The following SOX5 variants were observed in gnomAD, a reference collection of about 807,000 sequenced individuals.
The protein encoded by SOX5 is transcription factor SOX-5.
In SOX5, 9 loss-of-function variants were observed where a neutral mutation model predicts 92.0. That is an observed-to-expected ratio of 0.10 (90% confidence interval 0.06 to 0.17). The LOEUF (loss-of-function observed/expected upper bound fraction) is 0.17. Among genes scored for constraint, SOX5 ranks in the 10% least tolerant of loss-of-function variants. The pLI is 1.00. For missense variants in SOX5, 642 were observed against 944.5 expected, an observed-to-expected ratio of 0.68 and a Z score of 4.20; for synonymous variants, 344 against 336.3, an observed-to-expected ratio of 1.02 and a Z score of -0.25.
chr12:23,681,434 T>G (rs964987872), intron 6 of SOX5, among the ~76,000 whole-genome samples: 1 of 151,710 alleles, frequency 6.6e-6, no homozygotes, highest in Non-Finnish European at 1.5e-5. Context: ...TGGAGTAAGC[T>G]CATCAGTTAA....
At chr12:23,816,207 CTTTTTTT>C (rs11347313) in intron 3 of SOX5, among the ~76,000 whole-genome samples, 1 of 129,642 alleles carries the variant, frequency 7.7e-6, no homozygotes, top group South Asian at 2.6e-4. Flanking sequence ...GACAAGATTT[CTTTTTTT>C]TTTTTTTTTT....
chr12:24,038,201 G>C (rs1390225217), intron 4 of SOX5, among the ~76,000 whole-genome samples: 4 of 152,202 alleles, frequency 2.6e-5, no homozygotes, highest in Admixed American at 2.6e-4. Flanking sequence ...GAAACCATGT[G>C]AATGTGGAAG....
intron 3 of SOX5, among the ~76,000 whole-genome samples, chr12:23,759,185 G>A (rs781356962): frequency 1.3e-5 from 2 of 151,954 alleles, no homozygotes; most frequent in African/African-American, 4.8e-5. Context: ...ATATGTATGA[G>A]CAGCAACTGT....
chr12:24,169,238 G>A (rs1198023429), intron 4 of SOX5, among the ~76,000 whole-genome samples: 1 of 152,108 alleles, frequency 6.6e-6, no homozygotes, highest in Non-Finnish European at 1.5e-5. Context: ...ATAAGGTACT[G>A]ATTTATAAAT....
At chr12:23,786,543 CAAAA>C (rs34782173) in intron 3 of SOX5, among the ~76,000 whole-genome samples, 2 of 126,988 alleles carry the variant, frequency 1.6e-5, no homozygotes, top group Non-Finnish European at 1.7e-5. Flanking sequence ...GACTCCATCT[CAAAA>C]AAAAAAAAAA....
intron 3 of SOX5, among the ~76,000 whole-genome samples, chr12:23,777,600 C>G (rs918584256): frequency 6.6e-6 from 1 of 152,066 alleles, no homozygotes; most frequent in African/African-American, 2.4e-5. Context: ...TTTGCACAGT[C>G]TAACTTATAT....
chr12:24,014,159 C>T (rs1953293640), intron 4 of SOX5, among the ~76,000 whole-genome samples: 3 of 152,262 alleles, frequency 2.0e-5, no homozygotes, highest in East Asian at 1.9e-4. Flanking sequence ...GCATGGATTC[C>T]ACAGGGCATT....
chr12:23,674,372 T>C (rs1186197551), intron 6 of SOX5, among the ~76,000 whole-genome samples: 3 of 103,542 alleles, frequency 2.9e-5, no homozygotes. Context: ...AGTTTCGCTG[T>C]TGTCACCCAG....
intron 3 of SOX5, among the ~76,000 whole-genome samples, chr12:24,241,770 G>A (rs1351624715): frequency 6.6e-6 from 1 of 152,088 alleles, no homozygotes; most frequent in Non-Finnish European, 1.5e-5. Context: ...GCCATTTGTA[G>A]AATATCGATA....
chr12:24,522,362 C>CT (rs138340264), intron 1 of SOX5, among the ~76,000 whole-genome samples: 7,514 of 151,744 alleles, frequency 0.05, 610 homozygotes, highest in African/African-American at 0.16. Context: ...AATGCCAAGC[C>CT]TTTTTAAACA....
intron 11 of SOX5, among the ~76,000 whole-genome samples, chr12:23,561,674 G>A (rs960318236): frequency 1.3e-5 from 2 of 152,066 alleles, no homozygotes; most frequent in African/African-American, 4.8e-5. Context: ...CAACCACAAG[G>A]CCTGCTTTGC....
Position 24,320,734 on chromosome 12 carries a change from G to A in SOX5, c.-173-43422C>T, listed in dbSNP as rs1024298729. ...CAAAAAATTAGCAGGGCATGGTGGT[G>A]GGCACCTGTAGTCCCAGCTACTCGG... On this transcript the variant is annotated intron_variant, in intron 2 of 4. Transcript: ENST00000446891. Among the ~76,000 whole-genome samples the A allele has an allele frequency of 4.2e-4, 64 of 151,926 alleles. 1 individual carries two copies. The highest frequency in any genetic ancestry group is 1.4e-3 in the African/African-American group (60 of 41,454).
chr12:23,611,288 C>T (rs1592559728), intron 8 of SOX5, among the ~76,000 whole-genome samples: 1 of 151,252 alleles, frequency 6.6e-6, no homozygotes, highest in Admixed American at 6.6e-5. Context: ...ACAGAATATG[C>T]TTCAGGTTTA....
At chr12:24,517,626 T>C (rs1486507741) in intron 1 of SOX5, among the ~76,000 whole-genome samples, 2 of 152,128 alleles carry the variant, frequency 1.3e-5, no homozygotes, top group East Asian at 1.9e-4. Context: ...CACTAATGGA[T>C]GTTTAACCCT....
chr12:23,734,781 A>C lies in SOX5; in HGVS notation c.742-29T>G, dbSNP rs1193869059. 3.1e-6 allele frequency: 5 copies of C among 1,588,914 alleles called. No individual in the cohort carries two copies. In the Admixed American group the frequency reaches 8.4e-5, roughly 27 times the overall value. On this transcript the variant is annotated intron_variant, in intron 5 of 14. Transcript: ENST00000451604. ...TGAAGAAATTGCACATGAGAAATTT[A>C]CAAGTATATTGTAGTCCCGGAGGGA...
intron 4 of SOX5, among the ~76,000 whole-genome samples, chr12:24,052,884 TAC>T (rs767787414): frequency 5.9e-5 from 9 of 152,186 alleles, no homozygotes; most frequent in Non-Finnish European, 1.2e-4. Flanking sequence ...GAAAGAGAAT[TAC>T]AGAGTTGTTT....
At chr12:24,547,750 T>G (rs1222881950) in intron 1 of SOX5, among the ~76,000 whole-genome samples, 2 of 152,200 alleles carry the variant, frequency 1.3e-5, no homozygotes, top group Non-Finnish European at 2.9e-5. Context: ...ATACTCTATC[T>G]GGGTTTATTT....
Position 24,213,523 on chromosome 12 carries a change from T to C in SOX5, c.-76-106A>G, listed in dbSNP as rs909882491. 2.6e-4 allele frequency: 38 copies of C among 147,268 alleles called. 1 individual carries two copies. Among genetic ancestry groups the C allele is most frequent in the Middle Eastern group, 3.5e-3 (1 of 288 alleles). 9.1% of individuals were successfully genotyped at this position (147,268 alleles called of 1,614,324 possible). A position where few individuals can be genotyped will look rare whatever the true frequency, so the allele number is the denominator to read the frequency against. ...GAGTAATTCCAAATAAATAAAAAAA[T>C]TGAAAATGATAAAGATAGTTAAATG... On this transcript the variant is annotated intron_variant, in intron 3 of 4. Transcript: ENST00000446891.
intron 4 of SOX5, among the ~76,000 whole-genome samples, chr12:24,212,988 C>T (rs1252525021): frequency 6.6e-6 from 1 of 152,030 alleles, no homozygotes; most frequent in Admixed American, 6.6e-5. Flanking sequence ...TAACATTCTA[C>T]ATGTTTTAAG....
Sources: gnomAD v4.1 joint callset for allele counts (sites outside exome capture counted in the v4.1 genomes callset) on GRCh38, gnomAD v4.1.1 for gene constraint, MANE v1.5 for transcripts, NCBI Gene and HGNC (gene_info 2026-07-23, HGNC 2026-07-21) for gene names.